The following CHD6 variants were observed in gnomAD, a reference collection of about 807,000 sequenced individuals.
CHD6 encodes ATP-dependent chromatin remodeler CHD6.
In CHD6, 50 loss-of-function variants were observed where a neutral mutation model predicts 276.9. The observed-to-expected ratio is 0.18, with a 90% CI of 0.14 to 0.23. The LOEUF is 0.23. Among genes scored for constraint, CHD6 ranks in the 10% least tolerant of loss-of-function variants. The probability of loss-of-function intolerance (pLI) is 1.00; values close to 1 mark genes in which losing one functional copy is unlikely to be tolerated. For synonymous variants in CHD6, 1,173 were observed against 1,229.3 expected (o/e 0.95, Z 0.96); for missense variants, 2,564 against 3,365.8 (o/e 0.76, Z 5.89).
At chr20:41,438,315 T>G (rs1027409984) in intron 26 of CHD6, among the ~76,000 whole-genome samples, 5 of 152,080 alleles carry the variant, frequency 3.3e-5, no homozygotes, top group Non-Finnish European at 7.4e-5. Flanking sequence ...TGAGGGTGGG[T>G]GCAGTGGCTC....
intron 24 of CHD6, 73 bp from the exon 25 acceptor site, chr20:41,445,841 C>T: frequency 1.2e-6 from 1 of 868,948 alleles, no homozygotes; most frequent in African/African-American, 1.6e-5. Flanking sequence ...GGCCACAGTC[C>T]TACTGGCATG....
intron 27 of CHD6, among the ~76,000 whole-genome samples, chr20:41,429,352 G>C (rs1047214836): frequency 6.6e-6 from 1 of 152,156 alleles, no homozygotes; most frequent in Admixed American, 6.5e-5. Flanking sequence ...CTGGCTGCAC[G>C]TGACATCTGT....
At position 41,471,893 on chromosome 20, in the gene CHD6, T is replaced by C. The variant is rs947294459; in HGVS notation, c.2664+1429A>G. 7.2e-5 allele frequency among the ~76,000 whole-genome samples: 11 copies of C among 152,194 alleles called. No homozygotes were observed. In the East Asian group the frequency reaches 1.9e-3, roughly 27 times the overall value. ...ATTTAAAGCACTAGTTTTCAACTAG[T>C]AGGCTGCTTTCTTCAAACACAAGTT... is the stretch of plus-strand genomic sequence containing the variant. On this transcript the variant is annotated intron_variant, in intron 17 of 36. Coordinates refer to ENST00000373233, the MANE Select transcript of CHD6 (RefSeq NM_032221.5).
chr20:41,524,385 C>T (rs376603857), intron 3 of CHD6, among the ~76,000 whole-genome samples: 2 of 152,092 alleles, frequency 1.3e-5, no homozygotes, highest in African/African-American at 2.4e-5. Flanking sequence ...TCCCTTTAAC[C>T]GTATCATCAA....
intron 1 of CHD6, among the ~76,000 whole-genome samples, chr20:41,567,584 T>A (rs961856032): frequency 6.6e-6 from 1 of 151,202 alleles, no homozygotes; most frequent in Admixed American, 6.6e-5. Context: ...ACGTCCATGG[T>A]GGCTTGTGGT....
At chr20:41,532,608 G>A (rs541331762) in intron 3 of CHD6, among the ~76,000 whole-genome samples, 1 of 152,146 alleles carries the variant, frequency 6.6e-6, no homozygotes, top group African/African-American at 2.4e-5. Context: ...ATTAATTAAG[G>A]TTATCTTTCT....
intron 1 of CHD6, among the ~76,000 whole-genome samples, chr20:41,593,787 C>T (rs1326376332): frequency 6.6e-6 from 1 of 152,070 alleles, no homozygotes; most frequent in Non-Finnish European, 1.5e-5. Flanking sequence ...CATAGATAAA[C>T]ACAGAGAAAA....
At chr20:41,439,875 T>A in intron 26 of CHD6, 125 bp downstream of exon 26, 1 of 900,768 alleles carries the variant, frequency 1.1e-6, no homozygotes, top group Non-Finnish European at 1.7e-6. Context: ...ACAGCGGCAG[T>A]GTGGCAAGGT....
At chr20:41,590,996 G>A (rs1223764351) in intron 1 of CHD6, among the ~76,000 whole-genome samples, 2 of 151,828 alleles carry the variant, frequency 1.3e-5, no homozygotes, top group South Asian at 2.1e-4. Context: ...TTAAGAAAAT[G>A]TGGCACATAT....
intron 14 of CHD6, chr20:41,485,433 T>C (rs2043389683): frequency 6.6e-6 from 1 of 152,156 alleles, no homozygotes; most frequent in Non-Finnish European, 1.5e-5. Flanking sequence ...ACGTTTCAAG[T>C]CAGAAACGGC....
rs923649132 is a variant in CHD6 at position 41,416,698 on chromosome 20, G to A, written c.6376C>T (p.Pro2126Ser). The A allele has an allele frequency of 6.2e-7, 1 of 1,614,030 alleles. No homozygotes were observed. The highest frequency in any genetic ancestry group is 1.1e-5 in the South Asian group (1 of 91,060). The change falls in exon 33 of 37, where the codon CCC (proline) becomes TCC (serine). Residue 2126 changes from proline (P) to serine (S), a missense_variant. By Grantham distance (74) the Pro-to-Ser change is moderately conservative. Around this residue, in one of 7 missense-constraint regions of CHD6, gnomAD observed 1,024 missense variants for 1,047.9 expected, o/e 0.98. Coordinates refer to ENST00000373233, the MANE Select transcript of CHD6 (RefSeq NM_032221.5). ...SQQYEPSGTL[P>S]TPVLTSSAGS... ...GCACTGCTGGTTAATACCGGGGTGGGCAGTGTGCCTGAGGGCTCATACTGC... is the reference window on the plus strand; with the variant it reads ...GCACTGCTGGTTAATACCGGGGTGGACAGTGTGCCTGAGGGCTCATACTGC...
intron 3 of CHD6, among the ~76,000 whole-genome samples, chr20:41,525,833 T>A (rs2044518912): frequency 1.3e-5 from 2 of 152,218 alleles, no homozygotes; most frequent in South Asian, 4.1e-4. Context: ...AGCTACTCTG[T>A]ATGCAGTTAT....
At chr20:41,407,408 G>T (rs1780183235) in intron 36 of CHD6, among the ~76,000 whole-genome samples, 1 of 152,308 alleles carries the variant, frequency 6.6e-6, no homozygotes, top group African/African-American at 2.4e-5. Flanking sequence ...AAACCCCACA[G>T]AACGCAGAGA....
At chr20:41,609,596 C>A (rs1303374164) in intron 1 of CHD6, among the ~76,000 whole-genome samples, 3 of 152,166 alleles carry the variant, frequency 2.0e-5, no homozygotes, top group Non-Finnish European at 2.9e-5. Flanking sequence ...ACACTGGCAG[C>A]CCTATCCGTG....
intron 1 of CHD6, among the ~76,000 whole-genome samples, chr20:41,582,698 G>A (rs2045553618): frequency 6.6e-6 from 1 of 152,008 alleles, no homozygotes; most frequent in Non-Finnish European, 1.5e-5. Context: ...GTATTGGAGA[G>A]GAAATTTAAA....
chr20:41,412,372 G>T, intron 35 of CHD6, 109 bp from the exon 36 acceptor site: 1 of 1,280,230 alleles, frequency 7.8e-7, no homozygotes, highest in Non-Finnish European at 1.1e-6. Context: ...ATGGTTGTCT[G>T]CACAGGAGCT....
chr20:41,561,539 A>G (rs2045301518), intron 1 of CHD6, among the ~76,000 whole-genome samples: 2 of 152,104 alleles, frequency 1.3e-5, no homozygotes, highest in South Asian at 4.2e-4. Context: ...CCATCCTCCC[A>G]GAGACTCACT....
chr20:41,603,451 A>G (rs2045793657), intron 1 of CHD6, among the ~76,000 whole-genome samples: 1 of 152,260 alleles, frequency 6.6e-6, no homozygotes. Flanking sequence ...GCAAGATTAC[A>G]AAACTCTAGT....
At chr20:41,590,912 T>C (rs2045650572) in intron 1 of CHD6, among the ~76,000 whole-genome samples, 2 of 151,438 alleles carry the variant, frequency 1.3e-5, no homozygotes, top group African/African-American at 4.9e-5. Flanking sequence ...CATGCACACG[T>C]ATGTTTACTG....
Sources: allele counts gnomAD v4.1 joint callset (sites outside exome capture counted in the v4.1 genomes callset), GRCh38; gene constraint gnomAD v4.1.1; regional missense constraint gnomAD v4.1.1; transcripts MANE v1.5; gene names NCBI Gene and HGNC (gene_info 2026-07-23, HGNC 2026-07-21).